SPATA13: variants seen among roughly 807,000 people sequenced by gnomAD.
The protein encoded by SPATA13 is spermatogenesis-associated protein 13.
SPATA13 carries 50 observed loss-of-function variants against 104.0 expected under a neutral mutation model. The ratio of observed to expected loss-of-function variants is 0.48; its 90% confidence interval spans 0.38 to 0.61. The LOEUF (loss-of-function observed/expected upper bound fraction) is 0.61, where lower values mean the gene tolerates loss of function less well. Among genes scored for constraint, SPATA13 ranks in the 20% least tolerant of loss-of-function variants. The pLI is 0.00. For synonymous variants in SPATA13, 606 were observed against 667.5 expected (o/e 0.91, Z 1.42); for missense variants, 1,524 against 1,690.6 (o/e 0.90, Z 1.73).
chr13:24,189,157 T>C (rs1483007974), intron 1 of SPATA13, among the ~76,000 whole-genome samples: 1 of 152,160 alleles, frequency 6.6e-6, no homozygotes, highest in Non-Finnish European at 1.5e-5. Flanking sequence ...TAATTTTGAC[T>C]CTGATGTCTT....
At chr13:24,141,365 T>G (rs1251328841) in intron 3 of SPATA13, among the ~76,000 whole-genome samples, 3 of 152,156 alleles carry the variant, frequency 2.0e-5, no homozygotes, top group African/African-American at 7.2e-5. Flanking sequence ...CTGAGTGCTC[T>G]GAGGAATTCT....
At chr13:24,099,043 C>G (rs765697805) in intron 3 of SPATA13, among the ~76,000 whole-genome samples, 2 of 152,060 alleles carry the variant, frequency 1.3e-5, no homozygotes, top group Non-Finnish European at 2.9e-5. Flanking sequence ...TATGATCATA[C>G]CGCTTCACTC....
intron 3 of SPATA13, among the ~76,000 whole-genome samples, chr13:24,151,056 C>T (rs986520441): frequency 5.3e-5 from 8 of 152,146 alleles, no homozygotes; most frequent in East Asian, 3.8e-4. Flanking sequence ...AGGAATCCTG[C>T]GAAGATTCAT....
chr13:24,084,097 GAAA>G (rs1879636567), intron 3 of SPATA13, among the ~76,000 whole-genome samples: 4 of 131,052 alleles, frequency 3.1e-5, no homozygotes, highest in African/African-American at 1.3e-4. Flanking sequence ...GAAAGGGGGA[GAAA>G]GAGAGAGCCG....
chr13:24,265,759 C>A (rs1042444941), intron 4 of SPATA13, among the ~76,000 whole-genome samples: 3 of 152,130 alleles, frequency 2.0e-5, no homozygotes, highest in African/African-American at 7.2e-5. Flanking sequence ...CTCTGCCTAG[C>A]ACCTGTCCTG....
chr13:24,043,812 T>A (rs1878023777), intron 3 of SPATA13, among the ~76,000 whole-genome samples: 1 of 152,184 alleles, frequency 6.6e-6, no homozygotes, highest in South Asian at 2.1e-4. Flanking sequence ...GATTTTCTAT[T>A]AAATACCCTT....
intron 3 of SPATA13, among the ~76,000 whole-genome samples, chr13:24,050,957 A>G (rs746700486): frequency 1.3e-5 from 2 of 152,202 alleles, no homozygotes; most frequent in African/African-American, 2.4e-5. Context: ...GTACTAAAAT[A>G]TCTGAGTTGT....
chr13:24,116,245 G>A (rs1399028377), intron 3 of SPATA13, among the ~76,000 whole-genome samples: 1 of 152,212 alleles, frequency 6.6e-6, no homozygotes, highest in Non-Finnish European at 1.5e-5. Flanking sequence ...TCTTCTCACT[G>A]TGTCCTCACG....
At chr13:24,017,716 G>C in intron 3 of SPATA13, 3 of 985,154 alleles carry the variant, frequency 3.0e-6, no homozygotes, top group Non-Finnish European at 3.6e-6. Flanking sequence ...GAAGGGCCTC[G>C]AGTCCGTTCT....
At chr13:24,046,037 T>C (rs1010649782) in intron 3 of SPATA13, among the ~76,000 whole-genome samples, 1 of 152,228 alleles carries the variant, frequency 6.6e-6, no homozygotes, top group Non-Finnish European at 1.5e-5. Context: ...ATACAAAGCA[T>C]TGCATGTTCT....
chr13:24,228,108 CTT>C lies in SPATA13; in HGVS notation c.1653+3548_1653+3549del, dbSNP rs71186818. On this transcript the variant is annotated intron_variant, in intron 2 of 12. Transcript: ENST00000382108. Reference sequence around the variant, plus strand: ...AATAGGGTTTCTCCCCTCTTGTACTCTTTTTTTTTTTTTTTTTTTTTTTGAGA... The same window carrying C: ...AATAGGGTTTCTCCCCTCTTGTACTCTTTTTTTTTTTTTTTTTTTTTGAGA... 5.4e-3 allele frequency among the ~76,000 whole-genome samples: 553 copies of C among 102,210 alleles called. 1 individual carries two copies. Among genetic ancestry groups the C allele is most frequent in the African/African-American group, 0.024 (514 of 21,300 alleles). The allele number at this position is 102,210 out of a possible 152,430, so 67.1% of individuals were successfully genotyped here.
chr13:24,134,334 A>T (rs1308668678), intron 3 of SPATA13, among the ~76,000 whole-genome samples: 2 of 152,154 alleles, frequency 1.3e-5, no homozygotes, highest in Non-Finnish European at 2.9e-5. Flanking sequence ...CCCCCTTCCC[A>T]GTGAGTAGTT....
chr13:24,232,332 G>A (rs1333929600), intron 2 of SPATA13, among the ~76,000 whole-genome samples: 2 of 151,856 alleles, frequency 1.3e-5, no homozygotes. Context: ...AGGGATTGCA[G>A]ATGCCTGCCC....
At chr13:24,091,311 C>T (rs950428224) in intron 3 of SPATA13, among the ~76,000 whole-genome samples, 1 of 152,248 alleles carries the variant, frequency 6.6e-6, no homozygotes, top group Non-Finnish European at 1.5e-5. Context: ...CATAGCTTTA[C>T]AAACCCCTTA....
rs1193617721 is a variant in SPATA13, at chr13:24,224,510, T to C, written c.1581T>C (p.Gly527=). ...AGGATCCCCTGGAAGCCACACATGG[T>C]GATGAGGGCAGCAAGGACCTTCTGG... The part of the protein sequence containing the change: ...SLQDPLEATH[G]DEGSKDLLVN... Residue 527 remains glycine, a synonymous_variant, in exon 2 of 13, where the codon GGT becomes GGC. Transcript: ENST00000382108. 1.3e-6 allele frequency: 2 copies of C among 1,548,920 alleles called. No individual in the cohort carries two copies. Among genetic ancestry groups the C allele is most frequent in the Non-Finnish European group, 8.7e-7 (1 of 1,146,958 alleles).
intron 4 of SPATA13, among the ~76,000 whole-genome samples, chr13:24,264,640 A>T (rs765449965): frequency 6.6e-6 from 1 of 152,228 alleles, no homozygotes; most frequent in Non-Finnish European, 1.5e-5. Context: ...TTCTATTAAG[A>T]CAAAGAAAAA....
intron 1 of SPATA13, among the ~76,000 whole-genome samples, chr13:24,189,481 C>CTT (rs1393370190): frequency 2.0e-5 from 1 of 51,096 alleles, no homozygotes; most frequent in African/African-American, 3.9e-5. Context: ...CTCTCTCTCT[C>CTT]TCTATATATA....
chr13:23,982,807 C>G (rs993855926), intron 1 of SPATA13, among the ~76,000 whole-genome samples: 12 of 152,222 alleles, frequency 7.9e-5, no homozygotes, highest in Middle Eastern at 3.4e-3. Flanking sequence ...ATCTTCTGAC[C>G]GTGTCACATG....
intron 4 of SPATA13, among the ~76,000 whole-genome samples, chr13:24,273,827 G>A (rs1305875953): frequency 6.6e-6 from 1 of 152,170 alleles, no homozygotes; most frequent in Non-Finnish European, 1.5e-5. Flanking sequence ...TACAACTTTT[G>A]TTTGTTGTTT....
Sources: gnomAD v4.1 joint callset for allele counts (sites outside exome capture counted in the v4.1 genomes callset) on GRCh38, gnomAD v4.1.1 for gene constraint, MANE v1.5 for transcripts, NCBI Gene and HGNC (gene_info 2026-07-23, HGNC 2026-07-21) for gene names.